Variants in USH2A observed in about 807,000 individuals in gnomAD.
USH2A encodes Usher syndrome 2A (autosomal recessive, mild).
Under a neutral mutation model 538.9 loss-of-function variants are expected in USH2A, and 443 were observed. The observed-to-expected ratio is 0.82, with a 90% CI of 0.76 to 0.89. USH2A has a LOEUF of 0.89. Ranked by LOEUF, USH2A falls within the 40% of genes least tolerant of loss-of-function variation. The pLI is 0.00. For synonymous variants in USH2A, 2,413 were observed against 2,273.5 expected, an observed-to-expected ratio of 1.06 and a Z score of -1.75; for missense variants, 6,633 against 6,324.8, an observed-to-expected ratio of 1.05 and a Z score of -1.65.
chr1:216,406,711 T>C (rs2039403346), intron 3 of USH2A, among the ~76,000 whole-genome samples: 2 of 152,188 alleles, frequency 1.3e-5, no homozygotes, highest in African/African-American at 2.4e-5. Flanking sequence ...TATGTTCCCA[T>C]AGATTTCATC....
intron 35 of USH2A, among the ~76,000 whole-genome samples, chr1:215,987,685 T>C (rs1316307752): frequency 6.6e-6 from 1 of 152,208 alleles, no homozygotes; most frequent in Non-Finnish European, 1.5e-5. Context: ...AGTAACCTTG[T>C]TTGTAATAGC....
At chr1:215,631,245 T>TGTGTGTGTGTGTGTGTGG (rs1333678007) in intron 70 of USH2A, among the ~76,000 whole-genome samples, 2 of 152,032 alleles carry the variant, frequency 1.3e-5, no homozygotes, top group African/African-American at 4.8e-5. Context: ...TGTGTGTGTG[T>TGTGTGTGTGTGTGTGTGG]GTGGGTGGGT....
Position 215,717,189 on chromosome 1 carries a change from C to A in USH2A, c.12066+10841G>T, listed in dbSNP as rs185435889. On this transcript the variant is annotated intron_variant, in intron 61 of 71. Transcript: ENST00000307340. Reference sequence around the variant, plus strand: ...TGGCTCTTAGACAACAAGTAGAAACCTGTTTTGTCCCTAGGAGAGTCTGAG... The same window carrying A: ...TGGCTCTTAGACAACAAGTAGAAACATGTTTTGTCCCTAGGAGAGTCTGAG... Among the ~76,000 whole-genome samples the A allele has an allele frequency of 4.5e-3, 685 of 152,202 alleles. 5 individuals are homozygous for A. The highest frequency in any genetic ancestry group is 0.018 in the South Asian group (85 of 4,812).
intron 16 of USH2A, among the ~76,000 whole-genome samples, chr1:216,202,311 G>T (rs1386989964): frequency 6.6e-6 from 1 of 152,164 alleles, no homozygotes; most frequent in Admixed American, 6.5e-5. Context: ...AGATCAGAAT[G>T]TATTATACAA....
chr1:215,671,887 A>ATGATCCCCCAGGAATGT (rs1657828822), intron 63 of USH2A, among the ~76,000 whole-genome samples: 1 of 152,128 alleles, frequency 6.6e-6, no homozygotes, highest in East Asian at 1.9e-4. Context: ...ACATCATGGA[A>ATGATCCCCCAGGAATGT]TTACGGTCTC....
At chr1:216,324,109 C>G in intron 7 of USH2A, 59 bp downstream of exon 7, 1 of 1,564,982 alleles carries the variant, frequency 6.4e-7, no homozygotes, top group Non-Finnish European at 8.7e-7. Flanking sequence ...AGCTAGCATA[C>G]TTGTACATTA....
At chr1:216,057,238 A>T (rs1470276666) in intron 30 of USH2A, among the ~76,000 whole-genome samples, 2 of 152,216 alleles carry the variant, frequency 1.3e-5, no homozygotes, top group African/African-American at 4.8e-5. Flanking sequence ...TTAACTCATC[A>T]ACACTGCATT....
intron 29 of USH2A, among the ~76,000 whole-genome samples, chr1:216,071,101 GAA>G (rs2031543557): frequency 6.6e-6 from 1 of 152,106 alleles, no homozygotes; most frequent in South Asian, 2.1e-4. Flanking sequence ...GGGACACAAA[GAA>G]AGAGCCCAAG....
Position 215,965,923 on chromosome 1 carries a change from T to A in USH2A, c.6958-444A>T, listed in dbSNP as rs891161036. On this transcript the variant is annotated intron_variant, in intron 36 of 71. Transcript: ENST00000307340. ...ATATCTTGACTCTCTCTCTTCTCTG[T>A]CACACACACACACACACACACACAC... 4.0e-4 allele frequency among the ~76,000 whole-genome samples: 57 copies of A among 142,574 alleles called. 1 individual carries two copies. Among genetic ancestry groups the A allele is most frequent in the South Asian group, 2.4e-4 (1 of 4,224 alleles). 93.5% of individuals were successfully genotyped at this position (142,574 alleles called of 152,430 possible).
At chr1:215,826,541 A>C (rs902751418) in intron 47 of USH2A, among the ~76,000 whole-genome samples, 1 of 152,070 alleles carries the variant, frequency 6.6e-6, no homozygotes, top group African/African-American at 2.4e-5. Flanking sequence ...AAATGATAGA[A>C]TCTTTGAACT....
rs373101081 is a variant in USH2A, at chr1:216,337,479, T to C, written c.785-9825A>G. On this transcript the variant is annotated intron_variant, in intron 4 of 71. Coordinates refer to ENST00000307340, the MANE Select transcript of USH2A (RefSeq NM_206933.4). ...ATATCTCAACAAATTAAATCTGCCA[T>C]GTCTTGAAAAATACATAATATACAA... Among the ~76,000 whole-genome samples, 203 of 151,548 alleles carry C rather than the reference T, an allele frequency of 1.3e-3. 1 individual carries two copies. The highest frequency in any genetic ancestry group is 4.6e-3 in the African/African-American group (190 of 41,506).
intron 64 of USH2A, among the ~76,000 whole-genome samples, 188 bp downstream of exon 64, chr1:215,670,784 A>T (rs762832043): frequency 6.6e-6 from 1 of 152,222 alleles, no homozygotes; most frequent in South Asian, 2.1e-4. Context: ...TCAAAAACCA[A>T]GAAAATGAAA....
At chr1:216,176,170 T>G (rs2034378266) in intron 20 of USH2A, among the ~76,000 whole-genome samples, 1 of 152,164 alleles carries the variant, frequency 6.6e-6, no homozygotes, top group Admixed American at 6.5e-5. Context: ...TTTTTGTTTT[T>G]GATTGCTCCT....
intron 24 of USH2A, among the ~76,000 whole-genome samples, chr1:216,085,966 T>C (rs1277200954): frequency 1.3e-5 from 2 of 152,088 alleles, no homozygotes; most frequent in Non-Finnish European, 2.9e-5. Context: ...TCTAGCTTAT[T>C]TGTAATATTT....
chr1:215,684,960 T>C (rs893619419), intron 61 of USH2A, among the ~76,000 whole-genome samples: 1 of 151,674 alleles, frequency 6.6e-6, no homozygotes, highest in South Asian at 2.1e-4. Context: ...TATTCTTAAG[T>C]TGAACTGCCG....
intron 11 of USH2A, among the ~76,000 whole-genome samples, chr1:216,251,600 G>A (rs558226290): frequency 2.6e-4 from 40 of 151,832 alleles, no homozygotes; most frequent in African/African-American, 8.9e-4. Flanking sequence ...ACAGGCGCCC[G>A]CCACCACGCT....
intron 30 of USH2A, among the ~76,000 whole-genome samples, chr1:216,050,561 T>TTCTTTCTTTC (rs2030719838): frequency 3.3e-4 from 4 of 12,156 alleles, no homozygotes; most frequent in African/African-American, 8.7e-4. Context: ...TTTGTATCTT[T>TTCTTTCTTTC]TTCTTTCTTT....
intron 3 of USH2A, among the ~76,000 whole-genome samples, chr1:216,383,744 C>T (rs1239100818): frequency 6.6e-6 from 1 of 152,172 alleles, no homozygotes; most frequent in African/African-American, 2.4e-5. Context: ...GTGGCACGAC[C>T]ATGGCTCACA....
intron 56 of USH2A, 47 bp downstream of exon 56, chr1:215,766,634 G>C: frequency 6.5e-7 from 1 of 1,530,660 alleles, no homozygotes; most frequent in South Asian, 1.1e-5. Flanking sequence ...ACCTCAAAAT[G>C]CTATGTGAAA....
Sources: allele counts gnomAD v4.1 joint callset (sites outside exome capture counted in the v4.1 genomes callset), GRCh38; gene constraint gnomAD v4.1.1; transcripts MANE v1.5; gene names NCBI Gene and HGNC (gene_info 2026-07-23, HGNC 2026-07-21).